Variants in RAVER2 observed in about 807,000 individuals in gnomAD.
RAVER2 encodes the protein ribonucleoprotein PTB-binding 2.
In RAVER2, 46 loss-of-function variants were observed where a neutral mutation model predicts 78.1. The observed-to-expected ratio is 0.59, with a 90% CI of 0.46 to 0.75. The LOEUF (loss-of-function observed/expected upper bound fraction) is 0.75. RAVER2 is among the 30% of genes least tolerant of loss of function. The pLI, the probability that RAVER2 is intolerant of heterozygous loss-of-function variation, is 0.00. For missense variants in RAVER2, 793 were observed against 837.5 expected (o/e 0.95, Z 0.66); for synonymous variants, 311 against 313.3 (o/e 0.99, Z 0.08).
intron 5 of RAVER2, among the ~76,000 whole-genome samples, chr1:64,798,724 A>AT (rs974192326): frequency 3.9e-5 from 6 of 152,140 alleles, no homozygotes; most frequent in Admixed American, 2.6e-4. Flanking sequence ...TAAAAACTCT[A>AT]TTTTTTGTAC....
chr1:64,783,419 C>G (rs1652690616), intron 4 of RAVER2, among the ~76,000 whole-genome samples: 1 of 152,160 alleles, frequency 6.6e-6, no homozygotes, highest in South Asian at 2.1e-4. Flanking sequence ...TTAATGATCG[C>G]CATTCTAACT....
At chr1:64,825,811 A>T (rs1195057336) in intron 11 of RAVER2, among the ~76,000 whole-genome samples, 1 of 152,282 alleles carries the variant, frequency 6.6e-6, no homozygotes, top group Non-Finnish European at 1.5e-5. Context: ...ACATGAAAAT[A>T]AAAAGATTTG....
At chr1:64,799,267 T>C (rs191444712) in intron 5 of RAVER2, among the ~76,000 whole-genome samples, 4 of 152,338 alleles carry the variant, frequency 2.6e-5, no homozygotes, top group Admixed American at 2.6e-4. Context: ...CCTTTTTTCT[T>C]ATGGCTGAAT....
chr1:64,829,294 A>T (rs1654069636), intron 11 of RAVER2, among the ~76,000 whole-genome samples: 1 of 152,248 alleles, frequency 6.6e-6, no homozygotes. Context: ...CAGATCCCAG[A>T]GTGAGCAGTC....
chr1:64,829,151 C>T (rs528924024), intron 11 of RAVER2, among the ~76,000 whole-genome samples: 8 of 152,322 alleles, frequency 5.3e-5, no homozygotes, highest in African/African-American at 1.9e-4. Context: ...TCCTATCTGG[C>T]TTCTGACAGT....
In RAVER2 at chr1:64,785,760, T is replaced by C. The variant is rs544953717; in HGVS notation, c.979-3628T>C. On this transcript the variant is annotated intron_variant, in intron 4 of 11. Transcript: ENST00000294428. ...TCCATCTGCTTCCTCCTTCCTACCA[T>C]ACCTATCATCATATTGGTGTCTGCC... Among the ~76,000 whole-genome samples, 17 of 152,274 alleles carry C rather than the reference T, an allele frequency of 1.1e-4. No individual in the cohort carries two copies. In the South Asian group the frequency reaches 3.5e-3, roughly 32 times the overall value.
rs372153246 is a variant in RAVER2, at chr1:64,760,330, G to A, written c.250-8326G>A. Among the ~76,000 whole-genome samples the A allele has an allele frequency of 1.8e-4, 27 of 152,238 alleles. 7 individuals carry two copies. The highest frequency in any genetic ancestry group is 3.9e-4 in the Admixed American group (6 of 15,294). On this transcript the variant is annotated intron_variant, in intron 1 of 11. Transcript: ENST00000294428. ...TTTCTTTCCAAACCCTTCTCCCAAG[G>A]GAGACAACCCCAGATCAACTTCAGA... is the stretch of plus-strand genomic sequence containing the variant.
chr1:64,811,841 A>G (rs1211513689), intron 9 of RAVER2, among the ~76,000 whole-genome samples: 4 of 152,148 alleles, frequency 2.6e-5, no homozygotes, highest in Non-Finnish European at 5.9e-5. Context: ...ATGTTGTTTC[A>G]AGGGTCAACT....
intron 2 of RAVER2, among the ~76,000 whole-genome samples, chr1:64,771,869 T>G (rs1652329154): frequency 8.7e-6 from 1 of 114,760 alleles, no homozygotes; most frequent in Admixed American, 8.3e-5. Context: ...AATTAATAAC[T>G]CAGTTGATAA....
At chr1:64,755,436 C>T (rs1403126346) in intron 1 of RAVER2, among the ~76,000 whole-genome samples, 1 of 151,980 alleles carries the variant, frequency 6.6e-6, no homozygotes, top group Non-Finnish European at 1.5e-5. Context: ...ATATGAATGC[C>T]AAAAATAGCA....
At chr1:64,788,268 C>A (rs536258641) in intron 4 of RAVER2, among the ~76,000 whole-genome samples, 13 of 148,692 alleles carry the variant, frequency 8.7e-5, no homozygotes, top group African/African-American at 3.0e-4. Flanking sequence ...GTCAGGAGAT[C>A]AAGACCATCC....
chr1:64,820,451 TTTA>T (rs1653858002), intron 11 of RAVER2, among the ~76,000 whole-genome samples: 1 of 152,224 alleles, frequency 6.6e-6, no homozygotes, highest in African/African-American at 2.4e-5. Flanking sequence ...CACGTGAATG[TTTA>T]TTACATAAGT....
At chr1:64,757,189 C>G (rs1651878510) in intron 1 of RAVER2, among the ~76,000 whole-genome samples, 1 of 152,204 alleles carries the variant, frequency 6.6e-6, no homozygotes, top group Admixed American at 6.5e-5. Context: ...GTTTTCAACA[C>G]AACAGGACAT....
chr1:64,745,671 G>T lies in RAVER2; in HGVS notation c.249+250G>T, dbSNP rs2100793496. On this transcript the variant is annotated intron_variant, in intron 1 of 11. Transcript: ENST00000294428. This position sits in a 1 kb window ranked among gnomAD's most constrained non-coding sequence, Gnocchi z 4.3. ...GCTTCTCCAAGGTCACGGGAATCAG[G>T]GGCTGCTGCCTCCAAGTTCGGCCCG... 6.6e-6 allele frequency among the ~76,000 whole-genome samples: 1 copy of T among 152,254 alleles called. No homozygotes were observed. The highest frequency in any genetic ancestry group is 1.9e-4 in the East Asian group (1 of 5,146).
Position 64,824,856 on chromosome 1 carries a change from G to A in RAVER2, c.1930-5983G>A, listed in dbSNP as rs375938290. Among the ~76,000 whole-genome samples, 41 of 149,396 alleles carry A rather than the reference G, an allele frequency of 2.7e-4. 7 individuals carry two copies. Among genetic ancestry groups the A allele is most frequent in the East Asian group, 1.2e-3 (6 of 5,106 alleles). Reference sequence around the variant, plus strand: ...TGAGGCAGGAGAATCGCTTGAGCCCGGGAGGCAGAGGCTTTAGTGAGCCGA... The same window carrying A: ...TGAGGCAGGAGAATCGCTTGAGCCCAGGAGGCAGAGGCTTTAGTGAGCCGA... On this transcript the variant is annotated intron_variant, in intron 11 of 11. Transcript: ENST00000294428.
chr1:64,759,295 G>C (rs6686686), intron 1 of RAVER2, among the ~76,000 whole-genome samples: 72,814 of 149,592 alleles, frequency 0.49, 20,230 homozygotes, highest in African/African-American at 0.78. Flanking sequence ...TCTTGGCTAA[G>C]TGCAACCTCC....
intron 1 of RAVER2, among the ~76,000 whole-genome samples, chr1:64,749,458 G>A (rs1341115986): frequency 6.6e-6 from 1 of 152,092 alleles, no homozygotes; most frequent in Non-Finnish European, 1.5e-5. Flanking sequence ...TGATCTGCCC[G>A]CCTCGGCCTC....
At chr1:64,777,684 T>C in exon 3 of RAVER2, 1 of 1,614,012 alleles carries the variant, frequency 6.2e-7, no homozygotes, top group Non-Finnish European at 8.5e-7. Context: ...TTCATCAATA[T>C]TCTTTTAGAG....
intron 5 of RAVER2, among the ~76,000 whole-genome samples, chr1:64,790,342 C>T (rs553248361): frequency 1.2e-4 from 19 of 152,172 alleles, no homozygotes; most frequent in Non-Finnish European, 2.1e-4. Context: ...GTCCAGTGTA[C>T]CTACTCTGTA....
Sources: gnomAD v4.1 joint callset for allele counts (sites outside exome capture counted in the v4.1 genomes callset) on GRCh38, gnomAD v4.1.1 for gene constraint, Gnocchi (gnomAD v3.1) non-coding constraint, MANE v1.5 for transcripts, NCBI Gene and HGNC (gene_info 2026-07-23, HGNC 2026-07-21) for gene names.